Variants in RABGAP1L observed in about 807,000 individuals in gnomAD.
RABGAP1L encodes the protein rab GTPase-activating protein 1-like.
A neutral mutation model predicts 137.7 loss-of-function variants in RABGAP1L; 63 were observed. The ratio of observed to expected loss-of-function variants is 0.46; its 90% CI spans 0.37 to 0.56. The LOEUF is 0.56. RABGAP1L is among the 20% of genes least tolerant of loss of function. RABGAP1L has a pLI of 0.00. For synonymous variants in RABGAP1L, 431 were observed against 433.7 expected (o/e 0.99, Z 0.08); for missense variants, 1,095 against 1,244.0 (o/e 0.88, Z 1.80).
intron 19 of RABGAP1L, among the ~76,000 whole-genome samples, chr1:174,837,561 G>A (rs994784053): frequency 3.9e-5 from 6 of 152,228 alleles, no homozygotes; most frequent in African/African-American, 1.4e-4. Flanking sequence ...CTGGCCCTGT[G>A]GAGAATTGCC....
intron 7 of RABGAP1L, among the ~76,000 whole-genome samples, chr1:174,260,032 A>G (rs1462579088): frequency 6.6e-6 from 1 of 152,004 alleles, no homozygotes; most frequent in African/African-American, 2.4e-5. Context: ...ATGGGGTTTC[A>G]CCATATTGGT....
At chr1:174,700,594 G>C (rs182030149) in intron 16 of RABGAP1L, 1 of 155,860 alleles carries the variant, frequency 6.4e-6, no homozygotes, top group African/African-American at 2.4e-5. Context: ...TTTGCAGTGA[G>C]GTTAAAGGAA....
At chr1:174,642,333 T>C (rs1674591554) in intron 14 of RABGAP1L, among the ~76,000 whole-genome samples, 1 of 148,594 alleles carries the variant, frequency 6.7e-6, no homozygotes, top group South Asian at 2.1e-4. Flanking sequence ...AAAGATTGGA[T>C]TTATTATAAA....
At chr1:174,727,958 C>T (rs1378637662) in intron 17 of RABGAP1L, among the ~76,000 whole-genome samples, 2 of 152,174 alleles carry the variant, frequency 1.3e-5, no homozygotes, top group Non-Finnish European at 2.9e-5. Context: ...CTCCAGAAGA[C>T]ATTCCAGACT....
chr1:174,955,553 T>C (rs1447517748), intron 19 of RABGAP1L, among the ~76,000 whole-genome samples: 1 of 152,214 alleles, frequency 6.6e-6, no homozygotes, highest in Non-Finnish European at 1.5e-5. Flanking sequence ...CTAGATGCTT[T>C]CCATTCTCTT....
chr1:174,299,153 A>G (rs1677418496), intron 10 of RABGAP1L, among the ~76,000 whole-genome samples: 2 of 152,242 alleles, frequency 1.3e-5, no homozygotes, highest in Admixed American at 6.5e-5. Flanking sequence ...AATTATTTCT[A>G]CATAGGCCTT....
chr1:174,769,688 A>G (rs1685960935), intron 18 of RABGAP1L, among the ~76,000 whole-genome samples: 1 of 152,152 alleles, frequency 6.6e-6, no homozygotes, highest in Non-Finnish European at 1.5e-5. Flanking sequence ...GGAGTTGGCT[A>G]GATGAGATCA....
rs890591826 is a variant in RABGAP1L at position 174,262,730 on chromosome 1, TG to T, written c.987-9681del. ...AGCCTGGCTGCTAATTAGAAGAGAT[TG>T]GGTATTTTAACCATATCCTATCCAG... On this transcript the variant is annotated intron_variant, in intron 7 of 25. Coordinates refer to ENST00000681986, the MANE Select transcript of RABGAP1L (RefSeq NM_001366446.1). 1.7e-4 allele frequency among the ~76,000 whole-genome samples: 26 copies of T among 152,348 alleles called. 1 individual carries two copies. In the East Asian group the frequency reaches 5.0e-3, roughly 29 times the overall value.
chr1:174,362,027 A>G (rs1684188044), intron 11 of RABGAP1L, among the ~76,000 whole-genome samples: 6 of 152,224 alleles, frequency 3.9e-5, no homozygotes, highest in Admixed American at 3.9e-4. Flanking sequence ...AAGTGAGAAC[A>G]TGCACTATTC....
intron 19 of RABGAP1L, among the ~76,000 whole-genome samples, chr1:174,840,692 T>C (rs1693285826): frequency 1.3e-5 from 2 of 150,538 alleles, no homozygotes; most frequent in Non-Finnish European, 3.0e-5. Flanking sequence ...GGCAGGCACC[T>C]GTAATCCCAG....
At position 174,428,324 on chromosome 1, in the gene RABGAP1L, T is replaced by C. The variant is rs115336500; in HGVS notation, c.1710+34179T>C. The stretch of plus-strand genomic sequence containing the variant: ...GTCTAGGAGCTGACAATGCAGTGTA[T>C]TGGATGGAAACGAGGTATGGGGGAA... On this transcript the variant is annotated intron_variant, in intron 13 of 25. Transcript: ENST00000681986. 1.2e-3 allele frequency among the ~76,000 whole-genome samples: 185 copies of C among 152,202 alleles called. 1 individual carries two copies. Among genetic ancestry groups the C allele is most frequent in the African/African-American group, 3.6e-3 (151 of 41,536 alleles).
chr1:174,961,656 C>T (rs546017247), intron 20 of RABGAP1L, among the ~76,000 whole-genome samples: 7 of 149,262 alleles, frequency 4.7e-5, no homozygotes, highest in African/African-American at 1.7e-4. Context: ...ACCAGCCTGG[C>T]CAACATGGTG....
chr1:174,768,041 C>A (rs576447797), intron 18 of RABGAP1L, among the ~76,000 whole-genome samples: 1 of 152,332 alleles, frequency 6.6e-6, no homozygotes, highest in African/African-American at 2.4e-5. Flanking sequence ...TCCCACAACA[C>A]ATGGGAATTA....
chr1:174,213,261 C>T (rs1449714844), intron 1 of RABGAP1L, among the ~76,000 whole-genome samples: 1 of 152,082 alleles, frequency 6.6e-6, no homozygotes, highest in Non-Finnish European at 1.5e-5. Context: ...CCTGTCTCTA[C>T]TAAAAATACA....
intron 5 of RABGAP1L, chr1:174,244,658 A>G (rs1229645166): frequency 6.6e-6 from 1 of 152,244 alleles, no homozygotes; most frequent in Non-Finnish European, 1.5e-5. Flanking sequence ...ATGATATGCT[A>G]GGCTTCTGCT....
chr1:174,189,910 A>T (rs1219015963), intron 1 of RABGAP1L, among the ~76,000 whole-genome samples: 1 of 152,152 alleles, frequency 6.6e-6, no homozygotes, highest in African/African-American at 2.4e-5. Flanking sequence ...AAACAAAAAG[A>T]AAAAAGGAAG....
intron 18 of RABGAP1L, among the ~76,000 whole-genome samples, chr1:174,782,947 C>T (rs986633921): frequency 1.3e-5 from 2 of 152,190 alleles, no homozygotes; most frequent in South Asian, 2.1e-4. Context: ...GAGCTGGGAT[C>T]GGGCAACCCC....
At chr1:174,339,064 G>A (rs1681733804) in intron 11 of RABGAP1L, among the ~76,000 whole-genome samples, 1 of 152,030 alleles carries the variant, frequency 6.6e-6, no homozygotes, top group Non-Finnish European at 1.5e-5. Context: ...TACATATCAT[G>A]TTACTTTGGT....
intron 13 of RABGAP1L, among the ~76,000 whole-genome samples, chr1:174,423,850 G>T (rs1360144711): frequency 6.6e-6 from 1 of 151,926 alleles, no homozygotes; most frequent in Non-Finnish European, 1.5e-5. Flanking sequence ...TAGATTTAAT[G>T]TTCATTTTAC....
Sources: gnomAD v4.1 joint callset for allele counts (sites outside exome capture counted in the v4.1 genomes callset) on GRCh38, gnomAD v4.1.1 for gene constraint, MANE v1.5 for transcripts, NCBI Gene and HGNC (gene_info 2026-07-23, HGNC 2026-07-21) for gene names.